IKBKB: variants seen among roughly 807,000 people sequenced by gnomAD.
IKBKB encodes the protein inhibitor of nuclear factor kappa B kinase subunit beta.
A neutral mutation model predicts 113.6 loss-of-function variants in IKBKB; 42 were observed. The ratio of observed to expected loss-of-function variants is 0.37; its 90% confidence interval spans 0.29 to 0.48. IKBKB has a LOEUF of 0.48. IKBKB is among the 20% of genes least tolerant of loss of function. The probability of loss-of-function intolerance (pLI) is 0.99; values close to 1 mark genes in which losing one functional copy is unlikely to be tolerated. For synonymous variants in IKBKB, 296 were observed against 361.3 expected, an observed-to-expected ratio of 0.82 and a Z score of 2.05; for missense variants, 673 against 939.7, an observed-to-expected ratio of 0.72 and a Z score of 3.71.
At chr8:42,282,162 C>T (rs1189092652) in intron 2 of IKBKB, among the ~76,000 whole-genome samples, 2 of 152,152 alleles carry the variant, frequency 1.3e-5, no homozygotes, top group Admixed American at 6.6e-5. Context: ...TCTCAAAATA[C>T]AGACCAGTTT....
intron 7 of IKBKB, among the ~76,000 whole-genome samples, chr8:42,307,466 A>G (rs554825362): frequency 1.3e-5 from 2 of 152,316 alleles, no homozygotes; most frequent in African/African-American, 4.8e-5. Context: ...AAGGAATCAC[A>G]CTGAACAGGA....
At chr8:42,315,694 CT>C (rs17875710) in intron 9 of IKBKB, among the ~76,000 whole-genome samples, 115,753 of 152,028 alleles carry the variant, frequency 0.76, 48,153 homozygotes, top group Non-Finnish European at 0.93. Flanking sequence ...GAGTCTCCCT[CT>C]TGTCACCCAG....
At chr8:42,282,974 TC>T (rs1255360467) in intron 2 of IKBKB, among the ~76,000 whole-genome samples, 1 of 152,246 alleles carries the variant, frequency 6.6e-6, no homozygotes, top group African/African-American at 2.4e-5. Context: ...AGCTGAGCTG[TC>T]TGTGAGTAGA....
chr8:42,280,176 C>T (rs1022962885), intron 2 of IKBKB, among the ~76,000 whole-genome samples: 11 of 152,276 alleles, frequency 7.2e-5, no homozygotes, highest in African/African-American at 2.2e-4. Context: ...GGACAAAACA[C>T]TTATAAGTCT....
intron 21 of IKBKB, chr8:42,330,515 A>C (rs1384536492): frequency 5.8e-6 from 1 of 171,928 alleles, no homozygotes; most frequent in African/African-American, 2.4e-5. Context: ...ATTTCTTTTT[A>C]TTTTTTATTT....
At chr8:42,298,111 G>T (rs535878686) in intron 5 of IKBKB, 1 of 985,414 alleles carries the variant, frequency 1.0e-6, no homozygotes, top group Admixed American at 6.1e-5. Context: ...AAACAGTCTT[G>T]CTCATTATCC....
rs138183879 is a variant in IKBKB, at chr8:42,330,939, C to T, written c.2231C>T (p.Thr744Met). ...FTALDWSWLQ[T>M]EEEEHSCLEQ... The stretch of plus-strand genomic sequence containing the variant: ...GCCCTAGACTGGAGCTGGTTACAGA[C>T]GGAAGAAGAAGAGCACAGCTGCCTG... The change falls in exon 22 of 22, where the codon ACG (threonine) becomes ATG (methionine). Residue 744 changes from threonine (T) to methionine (M), a missense_variant. By Grantham distance (81) the Thr-to-Met change is moderately conservative. Around this residue, in one of 2 missense-constraint regions of IKBKB, gnomAD observed 506 missense variants for 638.7 expected, o/e 0.79. Transcript: ENST00000520810. 7.6e-5 allele frequency: 122 copies of T among 1,614,054 alleles called. 2 individuals are homozygous for T. The East Asian group carries it at 1.3e-3, about 17-fold the overall frequency.
chr8:42,289,724 TGTG>T (rs1173552225), intron 3 of IKBKB, among the ~76,000 whole-genome samples: 2 of 152,124 alleles, frequency 1.3e-5, no homozygotes, highest in Non-Finnish European at 2.9e-5. Context: ...CTTGGGGTGA[TGTG>T]TGTGCGTGAA....
Position 42,316,379 on chromosome 8 carries a change from G to C in IKBKB, c.930+40G>C. The C allele has an allele frequency of 1.2e-6, 2 of 1,612,418 alleles. No homozygotes were observed. Among genetic ancestry groups the C allele is most frequent in the Non-Finnish European group, 1.7e-6 (2 of 1,179,010 alleles). The stretch of plus-strand genomic sequence containing the variant: ...AAGTTAGCCCTGAGGCAAAAGCTGG[G>C]GTCCCCAGTGGAACATGCAGTTCTT... On this transcript the variant is annotated intron_variant, in intron 10 of 21. Coordinates refer to ENST00000520810, the MANE Select transcript of IKBKB (RefSeq NM_001556.3). The surrounding 1 kb of genome is among the most constrained non-coding windows in gnomAD (Gnocchi z 4.5).
At chr8:42,288,066 G>T (rs1298409834) in intron 2 of IKBKB, among the ~76,000 whole-genome samples, 2 of 152,066 alleles carry the variant, frequency 1.3e-5, no homozygotes, top group Admixed American at 1.3e-4. Flanking sequence ...GGCCTTGAAG[G>T]CTCTGTAGAC....
intron 15 of IKBKB, 175 bp from the exon 16 acceptor site, chr8:42,320,560 G>A: frequency 3.6e-6 from 2 of 551,650 alleles, no homozygotes; most frequent in Middle Eastern, 4.5e-4. Flanking sequence ...CTAGAAAGCG[G>A]TGGACCCTAG....
intron 2 of IKBKB, among the ~76,000 whole-genome samples, chr8:42,277,371 C>T (rs1026438609): frequency 2.0e-5 from 3 of 151,680 alleles, no homozygotes; most frequent in Admixed American, 6.6e-5. Flanking sequence ...TTAGTAGACA[C>T]GGGGTTTCAC....
At chr8:42,278,011 CTCCTAAGT>C (rs1809532808) in intron 2 of IKBKB, among the ~76,000 whole-genome samples, 1 of 152,212 alleles carries the variant, frequency 6.6e-6, no homozygotes, top group Non-Finnish European at 1.5e-5. Flanking sequence ...TAAATGTAAG[CTCCTAAGT>C]ATGGTAAAGT....
intron 2 of IKBKB, among the ~76,000 whole-genome samples, chr8:42,274,364 A>T (rs1327363125): frequency 2.0e-5 from 3 of 152,002 alleles, no homozygotes; most frequent in Non-Finnish European, 4.4e-5. Flanking sequence ...CACTGTAGTC[A>T]CCCTGTTGTT....
In IKBKB at chr8:42,331,558, C is replaced by T. The variant is rs1224948800; in HGVS notation, c.*579C>T. On this transcript the variant is annotated 3_prime_UTR_variant, in exon 22 of 22. Transcript: ENST00000520810. ...AATTATAGTTGCGGCCTGGCCCCAT[C>T]CTCACTTCCTCTTTTTATTTCACTG... The T allele has an allele frequency of 3.5e-5, 21 of 602,282 alleles. No individual in the cohort carries two copies. In the Admixed American group the frequency reaches 4.7e-4, roughly 13 times the overall value. 37.3% of individuals were successfully genotyped at this position (602,282 alleles called of 1,614,324 possible).
chr8:42,275,497 GT>G (rs942744258), intron 2 of IKBKB, among the ~76,000 whole-genome samples: 1 of 152,144 alleles, frequency 6.6e-6, no homozygotes, highest in Non-Finnish European at 1.5e-5. Flanking sequence ...ACTGAGATCA[GT>G]TTTTTATTAG....
chr8:42,272,483 C>T (rs1188268281), intron 2 of IKBKB: 2 of 527,116 alleles, frequency 3.8e-6, no homozygotes, highest in East Asian at 6.0e-5. Context: ...ATATCATGTA[C>T]TAATATATAC....
rs1363982669 is a variant in IKBKB, at chr8:42,331,821, C to G, written c.*842C>G. On this transcript the variant is annotated 3_prime_UTR_variant, in exon 22 of 22. Coordinates refer to ENST00000520810, the MANE Select transcript of IKBKB (RefSeq NM_001556.3). The stretch of plus-strand genomic sequence containing the variant: ...AGCCTGCCTACCCATGCCCATGTCT[C>G]CATTCCTGCTCAAGCGTGTGTGCTG... 3 of 263,162 alleles carry G rather than the reference C, an allele frequency of 1.1e-5. No individual in the cohort carries two copies. The highest frequency in any genetic ancestry group is 2.2e-5 in the Non-Finnish European group (3 of 134,268). The allele number at this position is 263,162 out of a possible 1,614,324, so 16.3% of individuals were successfully genotyped here.
At chr8:42,293,605 A>C (rs766290719) in intron 5 of IKBKB, 93 bp downstream of exon 5, 3 of 1,605,354 alleles carry the variant, frequency 1.9e-6, no homozygotes, top group Non-Finnish European at 2.6e-6. Flanking sequence ...AGACACTTCA[A>C]TCCTTTGGTC....
Sources: gnomAD v4.1 joint callset for allele counts (sites outside exome capture counted in the v4.1 genomes callset) on GRCh38, gnomAD v4.1.1 for gene constraint, gnomAD v4.1.1 regional missense constraint, Gnocchi (gnomAD v3.1) non-coding constraint, MANE v1.5 for transcripts, NCBI Gene and HGNC (gene_info 2026-07-23, HGNC 2026-07-21) for gene names.